The following CRIM1 variants were observed in gnomAD, a reference collection of about 807,000 sequenced individuals.
The protein encoded by CRIM1 is cysteine-rich motor neuron 1 protein.
CRIM1 carries 32 observed loss-of-function variants against 116.4 expected under a neutral mutation model. That is an observed-to-expected ratio of 0.27 (90% CI 0.21 to 0.37). CRIM1 has a LOEUF of 0.37. Ranked by LOEUF, CRIM1 falls within the 10% of genes least tolerant of loss-of-function variation. The probability of loss-of-function intolerance (pLI) is 1.00; values close to 1 mark genes in which losing one functional copy is unlikely to be tolerated. For synonymous variants in CRIM1, 590 were observed against 509.2 expected (o/e 1.16, Z -2.13); for missense variants, 1,331 against 1,354.8 (o/e 0.98, Z 0.28).
chr2:36,425,349 CA>C (rs1328309301), intron 2 of CRIM1, among the ~76,000 whole-genome samples: 1 of 152,190 alleles, frequency 6.6e-6, no homozygotes, highest in Non-Finnish European at 1.5e-5. Context: ...ATCAGAAGAT[CA>C]ACTGCTGAGC....
At chr2:36,537,600 A>C in intron 14 of CRIM1, 54 bp downstream of exon 14, 1 of 1,502,900 alleles carries the variant, frequency 6.7e-7, no homozygotes, top group Non-Finnish European at 8.9e-7. Context: ...ATTTAAGATG[A>C]AATCGAAGCA....
At chr2:36,406,633 CA>C (rs1323409826) in intron 2 of CRIM1, among the ~76,000 whole-genome samples, 38 of 118,330 alleles carry the variant, frequency 3.2e-4, no homozygotes, top group African/African-American at 1.1e-3. Context: ...CCCCCCCCCC[CA>C]AAAAAAAACA....
intron 4 of CRIM1, among the ~76,000 whole-genome samples, chr2:36,450,692 G>A (rs1198054504): frequency 1.3e-5 from 2 of 152,198 alleles, no homozygotes; most frequent in East Asian, 3.9e-4. Context: ...AAGGATGGTA[G>A]TCCCATTGTG....
chr2:36,510,304 A>G (rs62136183), intron 9 of CRIM1, among the ~76,000 whole-genome samples, 165 bp downstream of exon 9: 2,476 of 152,280 alleles, frequency 0.016, 29 homozygotes, highest in Non-Finnish European at 0.025. Context: ...AGAAGGTTGT[A>G]TCTCCAAAAA....
intron 8 of CRIM1, among the ~76,000 whole-genome samples, chr2:36,499,761 T>A (rs954787874): frequency 2.0e-5 from 3 of 152,178 alleles, no homozygotes; most frequent in Non-Finnish European, 2.9e-5. Context: ...TTTGCCTCCA[T>A]GCAGATTCCA....
chr2:36,499,486 T>G, intron 8 of CRIM1, 139 bp downstream of exon 8: 1 of 821,934 alleles, frequency 1.2e-6, no homozygotes, highest in Non-Finnish European at 1.9e-6. Context: ...AAAGTTATTT[T>G]TAACACAAAC....
At chr2:36,536,406 G>C (rs894582004) in intron 13 of CRIM1, among the ~76,000 whole-genome samples, 2 of 152,162 alleles carry the variant, frequency 1.3e-5, no homozygotes, top group Non-Finnish European at 2.9e-5. Flanking sequence ...GAGTGGCGCT[G>C]CTTGTAGAAT....
chr2:36,537,714 A>G (rs977779216), intron 14 of CRIM1, among the ~76,000 whole-genome samples, 168 bp downstream of exon 14: 3 of 152,232 alleles, frequency 2.0e-5, no homozygotes, highest in African/African-American at 7.2e-5. Flanking sequence ...TTGGAAAACT[A>G]TGACCATCCC....
At position 36,483,204 on chromosome 2, in the gene CRIM1, T is replaced by C. The variant is rs568938731; in HGVS notation, c.1372+3510T>C. On this transcript the variant is annotated intron_variant, in intron 7 of 16. Transcript: ENST00000280527. ...CTCATTATTTTTATTTTCTGACCCC[T>C]GTGAAGAGCTAGGGTGGAAACGTGT... is the stretch of plus-strand genomic sequence containing the variant. 4.8e-4 allele frequency among the ~76,000 whole-genome samples: 73 copies of C among 152,316 alleles called. 1 individual carries two copies. Among genetic ancestry groups the C allele is most frequent in the African/African-American group, 1.7e-3 (70 of 41,568 alleles).
At chr2:36,546,938 C>T in intron 15 of CRIM1, 46 bp from the exon 16 acceptor site, 1 of 1,111,172 alleles carries the variant, frequency 9.0e-7, no homozygotes, top group Non-Finnish European at 1.3e-6. Context: ...TAATCCTTAA[C>T]AATTCTGGTT....
chr2:36,407,532 A>G (rs992604672), intron 2 of CRIM1, among the ~76,000 whole-genome samples: 9 of 152,314 alleles, frequency 5.9e-5, no homozygotes, highest in African/African-American at 2.2e-4. Context: ...AAGGGTTACC[A>G]AAAGGCAGAA....
At chr2:36,460,548 A>G (rs1677500102) in intron 4 of CRIM1, among the ~76,000 whole-genome samples, 1 of 152,194 alleles carries the variant, frequency 6.6e-6, no homozygotes, top group Non-Finnish European at 1.5e-5. Flanking sequence ...TTATATCTCA[A>G]TAAAGCTGTT....
intron 3 of CRIM1, among the ~76,000 whole-genome samples, chr2:36,441,951 A>G (rs1403088653): frequency 1.3e-5 from 2 of 152,234 alleles, no homozygotes; most frequent in Non-Finnish European, 2.9e-5. Context: ...CAGAAGTTTC[A>G]TAATGCAACA....
At chr2:36,397,293 G>A (rs1460816096) in intron 2 of CRIM1, among the ~76,000 whole-genome samples, 1 of 152,190 alleles carries the variant, frequency 6.6e-6, no homozygotes, top group East Asian at 1.9e-4. Flanking sequence ...TTCACCTCTG[G>A]AGATAAGTCA....
chr2:36,473,568 C>T (rs895625549), intron 5 of CRIM1, among the ~76,000 whole-genome samples: 1 of 152,120 alleles, frequency 6.6e-6, no homozygotes, highest in African/African-American at 2.4e-5. Context: ...TACTTTCTAT[C>T]TCTATGGACG....
At chr2:36,426,322 A>G (rs1233781100) in intron 2 of CRIM1, among the ~76,000 whole-genome samples, 1 of 152,136 alleles carries the variant, frequency 6.6e-6, no homozygotes, top group African/African-American at 2.4e-5. Flanking sequence ...ATCTTGACTG[A>G]ATTGCCTTTT....
At chr2:36,402,324 T>G (rs140791083) in intron 2 of CRIM1, among the ~76,000 whole-genome samples, 1 of 152,102 alleles carries the variant, frequency 6.6e-6, no homozygotes, top group African/African-American at 2.4e-5. Flanking sequence ...GGAGTTTGCC[T>G]TATGATGACC....
Position 36,441,504 on chromosome 2 carries a change from T to C in CRIM1, c.748+4T>C. 3 of 1,608,040 alleles carry C rather than the reference T, an allele frequency of 1.9e-6. No homozygotes were observed. The highest frequency in any genetic ancestry group is 2.5e-6 in the Non-Finnish European group (3 of 1,179,784). ...GACCTCTATGAGTGCAAACCAGGTA[T>C]GCACGAGCTCTGTCTCAGCAGCCTT... On this transcript the variant is annotated splice_donor_region_variant and intron_variant, in intron 3 of 16. Transcript: ENST00000280527.
At chr2:36,520,797 G>A (rs1665336774) in intron 12 of CRIM1, among the ~76,000 whole-genome samples, 1 of 152,210 alleles carries the variant, frequency 6.6e-6, no homozygotes, top group South Asian at 2.1e-4. Context: ...ATATTCATGA[G>A]GTGGATAGAA....
Sources: gnomAD v4.1 joint callset for allele counts (sites outside exome capture counted in the v4.1 genomes callset) on GRCh38, gnomAD v4.1.1 for gene constraint, MANE v1.5 for transcripts, NCBI Gene and HGNC (gene_info 2026-07-23, HGNC 2026-07-21) for gene names.